Variants in HDAC4 observed in about 807,000 individuals in gnomAD.
HDAC4 encodes the protein histone deacetylase 4.
Under a neutral mutation model 135.1 loss-of-function variants are expected in HDAC4, and 16 were observed. That is an observed-to-expected ratio of 0.12 (90% CI 0.08 to 0.18). The LOEUF (loss-of-function observed/expected upper bound fraction) is 0.18. HDAC4 is among the 10% of genes least tolerant of loss of function. The probability of loss-of-function intolerance (pLI) is 1.00; values close to 1 mark genes in which losing one functional copy is unlikely to be tolerated. For synonymous variants in HDAC4, 685 were observed against 653.4 expected, an observed-to-expected ratio of 1.05 and a Z score of -0.74; for missense variants, 1,143 against 1,511.8, an observed-to-expected ratio of 0.76 and a Z score of 4.05.
chr2:239,067,705 C>T (rs1161889639), intron 23 of HDAC4, among the ~76,000 whole-genome samples: 11 of 152,210 alleles, frequency 7.2e-5, no homozygotes, highest in Admixed American at 7.2e-4. Flanking sequence ...AGCACAGCCA[C>T]CGAGGGCTGC....
At chr2:239,259,976 G>A (rs1445050287) in intron 2 of HDAC4, among the ~76,000 whole-genome samples, 1 of 152,220 alleles carries the variant, frequency 6.6e-6, no homozygotes, top group Admixed American at 6.5e-5. Flanking sequence ...TGAAGCTCCT[G>A]CCAGAGCCCA....
intron 21 of HDAC4, among the ~76,000 whole-genome samples, 157 bp from the exon 22 acceptor site, chr2:239,081,349 G>A (rs925442577): frequency 8.5e-5 from 13 of 152,244 alleles, no homozygotes; most frequent in African/African-American, 2.9e-4. Context: ...TCATTAAGAC[G>A]CGTGTGAAGG....
chr2:239,100,255 C>A (rs1455499111), intron 16 of HDAC4, among the ~76,000 whole-genome samples: 1 of 152,244 alleles, frequency 6.6e-6, no homozygotes, highest in Non-Finnish European at 1.5e-5. Context: ...CTGCACACTG[C>A]AGTGAGCTTT....
At chr2:239,234,318 G>C (rs1337233885) in intron 3 of HDAC4, among the ~76,000 whole-genome samples, 2 of 152,126 alleles carry the variant, frequency 1.3e-5, no homozygotes, top group Non-Finnish European at 2.9e-5. Flanking sequence ...TAAATGCCAG[G>C]AGACACGGCA....
At chr2:239,233,472 C>T (rs766339965) in intron 3 of HDAC4, among the ~76,000 whole-genome samples, 1 of 143,830 alleles carries the variant, frequency 7.0e-6, no homozygotes, top group Non-Finnish European at 1.5e-5. Flanking sequence ...AAAAAAAAAA[C>T]AAACCCAAAA....
chr2:239,156,594 G>A (rs1184666966), intron 7 of HDAC4, 58 bp downstream of exon 7: 27 of 1,611,942 alleles, frequency 1.7e-5, no homozygotes, highest in Non-Finnish European at 2.2e-5. Flanking sequence ...CGTGGCTTGT[G>A]GCGTGGAAGG....
intron 22 of HDAC4, among the ~76,000 whole-genome samples, chr2:239,079,123 G>C (rs1474331077): frequency 2.0e-5 from 3 of 152,190 alleles, no homozygotes; most frequent in Admixed American, 1.3e-4. Context: ...GGCAACGGGA[G>C]CACATTCCAT....
intron 3 of HDAC4, among the ~76,000 whole-genome samples, chr2:239,230,975 G>A (rs961247471): frequency 6.6e-6 from 1 of 152,182 alleles, no homozygotes; most frequent in Non-Finnish European, 1.5e-5. Flanking sequence ...AGCAGTGTCT[G>A]GAAATACAGC....
chr2:239,122,013 A>T (rs888319336), intron 12 of HDAC4, among the ~76,000 whole-genome samples: 1 of 152,218 alleles, frequency 6.6e-6, no homozygotes, highest in Non-Finnish European at 1.5e-5. Context: ...TCATCAATTC[A>T]GGAAGAACAA....
intron 7 of HDAC4, 91 bp downstream of exon 7, chr2:239,156,561 G>C (rs1280997649): frequency 6.6e-7 from 1 of 1,509,018 alleles, no homozygotes; most frequent in African/African-American, 1.4e-5. Flanking sequence ...CCTTCTCTAA[G>C]TGGAAGACAG....
At chr2:239,336,199 C>T (rs12476996) in intron 2 of HDAC4, among the ~76,000 whole-genome samples, 2,621 of 152,056 alleles carry the variant, frequency 0.017, 43 homozygotes, top group East Asian at 0.091. Context: ...GAAGTGGTAT[C>T]TAGAGGGTGT....
chr2:239,054,442 C>T (rs1339701120), intron 25 of HDAC4, among the ~76,000 whole-genome samples: 2 of 152,114 alleles, frequency 1.3e-5, no homozygotes, highest in Admixed American at 6.5e-5. Context: ...CCATGGCCCC[C>T]GCTGCTAGCT....
chr2:239,077,405 C>T (rs185952642), intron 22 of HDAC4, among the ~76,000 whole-genome samples: 1 of 152,390 alleles, frequency 6.6e-6, no homozygotes, highest in East Asian at 1.9e-4. Flanking sequence ...TCTTACCGGG[C>T]CTGCCTAGAG....
chr2:239,249,280 C>T (rs967193832), intron 2 of HDAC4, among the ~76,000 whole-genome samples: 7 of 152,214 alleles, frequency 4.6e-5, no homozygotes, highest in African/African-American at 7.2e-5. Flanking sequence ...CCTTCCATTC[C>T]GACTTCAGCC....
chr2:239,250,208 G>A (rs941712039), intron 2 of HDAC4, among the ~76,000 whole-genome samples: 1 of 152,260 alleles, frequency 6.6e-6, no homozygotes, highest in Admixed American at 6.5e-5. Context: ...CAGGAGACAC[G>A]TGTGGTCCAG....
At chr2:239,129,701 C>T (rs1262553128) in intron 11 of HDAC4, among the ~76,000 whole-genome samples, 1 of 152,140 alleles carries the variant, frequency 6.6e-6, no homozygotes, top group African/African-American at 2.4e-5. Flanking sequence ...TGGGGCTGGG[C>T]CTGAACTGTG....
intron 1 of HDAC4, among the ~76,000 whole-genome samples, chr2:239,382,355 G>C (rs189460675): frequency 1.3e-5 from 2 of 152,312 alleles, no homozygotes; most frequent in Admixed American, 6.5e-5. Flanking sequence ...TAAATCATTA[G>C]TATTTTTCCC....
chr2:239,388,371 C>T (rs943107771), intron 1 of HDAC4, among the ~76,000 whole-genome samples: 9 of 152,220 alleles, frequency 5.9e-5, no homozygotes, highest in African/African-American at 9.6e-5. Context: ...ACCACTTGCC[C>T]GCAGGGAGGC....
chr2:239,160,492 C>A (rs531951256), intron 6 of HDAC4, among the ~76,000 whole-genome samples: 1 of 152,298 alleles, frequency 6.6e-6, no homozygotes, highest in Admixed American at 6.5e-5. Context: ...CACCATCCAT[C>A]TCTGCAGCCT....
Sources: gnomAD v4.1 joint callset for allele counts (sites outside exome capture counted in the v4.1 genomes callset) on GRCh38, gnomAD v4.1.1 for gene constraint, MANE v1.5 for transcripts, NCBI Gene and HGNC (gene_info 2026-07-23, HGNC 2026-07-21) for gene names.